Variants in TIMELESS observed in about 807,000 individuals in gnomAD.
TIMELESS encodes the protein timeless circadian regulator, also known as protein timeless homolog.
TIMELESS carries 124 observed loss-of-function variants against 164.3 expected under a neutral mutation model. That is an observed-to-expected ratio of 0.75 (90% CI 0.65 to 0.88). The LOEUF (loss-of-function observed/expected upper bound fraction) is 0.88. TIMELESS is among the 40% of genes least tolerant of loss of function. TIMELESS has a pLI of 0.00. For synonymous variants in TIMELESS, 564 were observed against 563.4 expected, an observed-to-expected ratio of 1.00 and a Z score of -0.02; for missense variants, 1,422 against 1,491.4, an observed-to-expected ratio of 0.95 and a Z score of 0.77.
rs149783493 is a variant in TIMELESS at position 56,437,355 on chromosome 12, T to C, written c.-61-3124A>G. 9.6e-4 allele frequency among the ~76,000 whole-genome samples: 146 copies of C among 152,288 alleles called. 1 individual carries two copies. Among genetic ancestry groups the C allele is most frequent in the African/African-American group, 3.3e-3 (137 of 41,558 alleles). On this transcript the variant is annotated intron_variant, in intron 1 of 28. Transcript: ENST00000553532. ...TAATTCATAAAAGAAAGGAAATCAT[T>C]TGTACAAAACCAAAAATAGTAATAC... is the stretch of plus-strand genomic sequence containing the variant.
chr12:56,433,719 G>C, intron 3 of TIMELESS, 54 bp downstream of exon 3: 1 of 1,613,468 alleles, frequency 6.2e-7, no homozygotes, highest in African/African-American at 1.3e-5. Context: ...AAACCTATCA[G>C]CTCAAACACC....
Position 56,433,432 on chromosome 12 carries a change from A to G in TIMELESS, c.378T>C (p.Ser126=). 3 of 1,614,214 alleles carry G rather than the reference A, an allele frequency of 1.9e-6. No homozygotes were observed. Among genetic ancestry groups the G allele is most frequent in the Non-Finnish European group, 1.7e-6 (2 of 1,180,040 alleles). The change falls in exon 5 of 29, where the codon AGT becomes AGC. Residue 126 remains serine (S), a synonymous_variant. Coordinates refer to ENST00000553532, the MANE Select transcript of TIMELESS (RefSeq NM_003920.5). ...CACTGAGGACTCCAAAAGCCTTCTCACTGGCAAAGGCCTGTGAAATAGGGA... is the reference window on the plus strand; with the variant it reads ...CACTGAGGACTCCAAAAGCCTTCTCGCTGGCAAAGGCCTGTGAAATAGGGA... ...YLQAYKEAFA[S]EKAFGVLSET...
At chr12:56,430,360 G>C in intron 9 of TIMELESS, 79 bp from the exon 10 acceptor site, 1 of 1,503,644 alleles carries the variant, frequency 6.7e-7, no homozygotes, top group Non-Finnish European at 8.9e-7. Context: ...TTTCTCAGAA[G>C]AAACTAATTT....
At position 56,417,336 on chromosome 12, in the gene TIMELESS, C is replaced by G. The variant is rs1297882785; in HGVS notation, c.*380G>C. Reference sequence around the variant, plus strand: ...CCTGTCATGTCATAAAGCTCCCCATCTGGTGCTGCGACCCACCTCCAAGAG... The same window carrying G: ...CCTGTCATGTCATAAAGCTCCCCATGTGGTGCTGCGACCCACCTCCAAGAG... On this transcript the variant is annotated 3_prime_UTR_variant, in exon 29 of 29. Transcript: ENST00000553532. 1 of 196,436 alleles carries G rather than the reference C, an allele frequency of 5.1e-6. No homozygotes were observed. Among genetic ancestry groups the G allele is most frequent in the East Asian group, 1.2e-4 (1 of 8,436 alleles). The allele number at this position is 196,436 out of a possible 1,614,324, so 12.2% of individuals were successfully genotyped here.
At chr12:56,420,153 T>C (rs1881417919) in intron 26 of TIMELESS, among the ~76,000 whole-genome samples, 1 of 150,026 alleles carries the variant, frequency 6.7e-6, no homozygotes, top group Admixed American at 6.7e-5. Flanking sequence ...TTACATTGTA[T>C]AGGTATTATA....
In TIMELESS at chr12:56,425,172, T is replaced by C; in HGVS notation, c.1579-20A>G. ...TTTGTTCTGTGGGGAAAGAATTGTATTAGGATGTCAAGAGAGCTAAAGAGG... is the reference window on the plus strand; with the variant it reads ...TTTGTTCTGTGGGGAAAGAATTGTACTAGGATGTCAAGAGAGCTAAAGAGG... On this transcript the variant is annotated intron_variant, in intron 13 of 28. Transcript: ENST00000553532. 6.2e-7 allele frequency: 1 copy of C among 1,603,404 alleles called. No individual in the cohort carries two copies.
chr12:56,443,898 C>CTT (rs1225876764), intron 1 of TIMELESS, among the ~76,000 whole-genome samples: 28 of 134,826 alleles, frequency 2.1e-4, no homozygotes, highest in African/African-American at 6.4e-4. Context: ...TTTCGGTATT[C>CTT]TTTTTTTTTT....
intron 1 of TIMELESS, among the ~76,000 whole-genome samples, chr12:56,435,957 T>TA (rs1565686644): frequency 0.079 from 6,843 of 86,318 alleles, 774 homozygotes; most frequent in African/African-American, 0.23. Flanking sequence ...AGACTCCGTC[T>TA]TAAAAAAAAA....
At chr12:56,444,639 C>T (rs1868324163) in intron 1 of TIMELESS, among the ~76,000 whole-genome samples, 1 of 151,980 alleles carries the variant, frequency 6.6e-6, no homozygotes, top group African/African-American at 2.4e-5. Context: ...CTCAAGCCCC[C>T]AGGCTCAAGC....
intron 9 of TIMELESS, 132 bp downstream of exon 9, chr12:56,430,749 C>T (rs1592250356): frequency 1.8e-6 from 1 of 567,876 alleles, no homozygotes; most frequent in Non-Finnish European, 3.1e-6. Context: ...AGCAATCCTC[C>T]TGCCTCAGCC....
chr12:56,446,811 A>C (rs1868358044), intron 1 of TIMELESS, among the ~76,000 whole-genome samples: 1 of 99,040 alleles, frequency 1.0e-5, no homozygotes. Flanking sequence ...ACTCCATCTC[A>C]AAAAAAAAAA....
intron 26 of TIMELESS, among the ~76,000 whole-genome samples, chr12:56,419,459 A>AGTGTGTGTGTGTGTGTGT (rs10664617): frequency 2.7e-5 from 4 of 147,936 alleles, no homozygotes; most frequent in East Asian, 2.0e-4. Context: ...AGACAGATGG[A>AGTGTGTGTGTGTGTGTGT]GTGTGTGTGT....
At position 56,422,224 on chromosome 12, in the gene TIMELESS, G is replaced by A. The variant is rs1041274011; in HGVS notation, c.2439-33C>T. 7 of 1,603,138 alleles carry A rather than the reference G, an allele frequency of 4.4e-6. No individual in the cohort carries two copies. In the African/African-American group the frequency reaches 8.0e-5, roughly 18 times the overall value. On this transcript the variant is annotated intron_variant, in intron 19 of 28. Coordinates refer to ENST00000553532, the MANE Select transcript of TIMELESS (RefSeq NM_003920.5). ...GTGAAAGGAGAAAGGGAGCATATAG[G>A]TTCTTGGCCCAAAAAGAGGAGACCA...
At chr12:56,423,051 C>G (rs543378999) in intron 18 of TIMELESS, 59 bp from the exon 19 acceptor site, 2 of 1,564,776 alleles carry the variant, frequency 1.3e-6, no homozygotes, top group African/African-American at 1.4e-5. Context: ...CCGAACCTGG[C>G]CCTCTAGGTA....
In TIMELESS at chr12:56,420,789, T is replaced by C; in HGVS notation, c.3109+24A>G. ...CCAATAGCCTCCAGGGCTCTTCTCC[T>C]AAAAGTGTCACCTGTCCACTCACCA... On this transcript the variant is annotated intron_variant, in intron 25 of 28. Coordinates refer to ENST00000553532, the MANE Select transcript of TIMELESS (RefSeq NM_003920.5). 4 of 1,614,084 alleles carry C rather than the reference T, an allele frequency of 2.5e-6. No homozygotes were observed. The Admixed American group carries it at 5.0e-5, about 20-fold the overall frequency.
At chr12:56,435,025 G>C (rs1882024434) in intron 1 of TIMELESS, among the ~76,000 whole-genome samples, 1 of 152,106 alleles carries the variant, frequency 6.6e-6, no homozygotes, top group South Asian at 2.1e-4. Context: ...CTGGTCTACA[G>C]AGTCTCTGGA....
In TIMELESS at chr12:56,431,524, C is replaced by G. The variant is rs1401021064; in HGVS notation, c.768G>C (p.Leu256Phe). The G allele has an allele frequency of 6.2e-7, 1 of 1,613,844 alleles. No homozygotes were observed. Among genetic ancestry groups the G allele is most frequent in the East Asian group, 2.2e-5 (1 of 44,836 alleles). The change falls in exon 8 of 29, where the codon TTG becomes TTC. Residue 256 changes from leucine (L) to phenylalanine (F), a missense_variant. By Grantham distance (22) the Leu-to-Phe change is conservative. Coordinates refer to ENST00000553532, the MANE Select transcript of TIMELESS (RefSeq NM_003920.5). Reference sequence around the variant, plus strand: ...TCTTTTCTGCCATCTCTCGCTGGCGCAACACCTCCAGTTCTGCAAAATCTG... The same window carrying G: ...TCTTTTCTGCCATCTCTCGCTGGCGGAACACCTCCAGTTCTGCAAAATCTG... ...RSADFAELEV[L>F]RQREMAEKKT...
intron 1 of TIMELESS, among the ~76,000 whole-genome samples, chr12:56,443,898 CTTTTTTTT>C (rs1225876764): frequency 7.4e-6 from 1 of 134,842 alleles, no homozygotes; most frequent in African/African-American, 2.8e-5. Flanking sequence ...TTTCGGTATT[CTTTTTTTT>C]TTTTTTTTTT....
rs1881769928 is a variant in TIMELESS at position 56,428,925 on chromosome 12, A to G, written c.1262T>C (p.Met421Thr). Residue 421 changes from methionine to threonine, a missense_variant, in exon 11 of 29, where the codon ATG (methionine) becomes ACG (threonine). Met to Thr is a moderately conservative substitution (Grantham distance 81). Coordinates refer to ENST00000553532, the MANE Select transcript of TIMELESS (RefSeq NM_003920.5). ...IEQNLTNYYEMMLTDRKEAAS... is the reference protein window; with the variant it reads ...IEQNLTNYYETMLTDRKEAAS... The stretch of plus-strand genomic sequence containing the variant: ...AGCTTCCTTGCGGTCAGTCAGCATC[A>G]TCTCATAGTAGTTGGTGAGGTTCTG... The G allele has an allele frequency of 6.2e-7, 1 of 1,614,088 alleles. No individual in the cohort carries two copies.
Sources: gnomAD v4.1 joint callset for allele counts (sites outside exome capture counted in the v4.1 genomes callset) on GRCh38, gnomAD v4.1.1 for gene constraint, MANE v1.5 for transcripts, NCBI Gene and HGNC (gene_info 2026-07-23, HGNC 2026-07-21) for gene names.